DIP2C: variants seen among roughly 807,000 people sequenced by gnomAD.
DIP2C encodes DIP2 acetate--CoA ligase C (putative).
DIP2C carries 33 observed loss-of-function variants against 192.4 expected under a neutral mutation model. That is an observed-to-expected ratio of 0.17 (90% confidence interval 0.13 to 0.23). The LOEUF is 0.23. Among genes scored for constraint, DIP2C ranks in the 10% least tolerant of loss-of-function variants. The pLI is 1.00. For missense variants in DIP2C, 1,537 were observed against 2,110.1 expected (o/e 0.73, Z 5.32); for synonymous variants, 979 against 864.1 (o/e 1.13, Z -2.33).
intron 6 of DIP2C, among the ~76,000 whole-genome samples, chr10:417,508 G>T (rs1199492383): frequency 6.6e-6 from 1 of 152,182 alleles, no homozygotes; most frequent in Non-Finnish European, 1.5e-5. Context: ...TGGCAATCAG[G>T]GCGATTTCAA....
rs1205523566 is a variant in DIP2C, at chr10:363,749, G to C, written c.2478-438C>G. Among the ~76,000 whole-genome samples, 5 of 152,180 alleles carry C rather than the reference G, an allele frequency of 3.3e-5. No individual in the cohort carries two copies. The highest frequency in any genetic ancestry group is 7.3e-5 in the Non-Finnish European group (5 of 68,038). ...TAAGTGTATGTGCCTTATACTGTCA[G>C]CACAGCACAGTCACCTCCAGTAAAA... On this transcript the variant is annotated intron_variant, in intron 20 of 36. Transcript: ENST00000280886. The surrounding 1 kb of genome is among the most constrained non-coding windows in gnomAD (Gnocchi z 5.4).
At chr10:476,102 G>A (rs1325122435) in intron 2 of DIP2C, among the ~76,000 whole-genome samples, 1 of 152,220 alleles carries the variant, frequency 6.6e-6, no homozygotes, top group Non-Finnish European at 1.5e-5. Flanking sequence ...GGCGTGGTCA[G>A]GGGAGAGAGG....
intron 1 of DIP2C, among the ~76,000 whole-genome samples, chr10:494,066 C>G (rs1160139424): frequency 6.6e-6 from 1 of 152,206 alleles, no homozygotes; most frequent in Non-Finnish European, 1.5e-5. Context: ...CGCTGGACCA[C>G]CCCGAGGTGA....
At chr10:658,327 C>T (rs113515156) in intron 1 of DIP2C, among the ~76,000 whole-genome samples, 26 of 151,132 alleles carry the variant, frequency 1.7e-4, no homozygotes, top group Admixed American at 6.6e-5. Flanking sequence ...GATGCTGGAC[C>T]TGACACTGGA....
intron 1 of DIP2C, among the ~76,000 whole-genome samples, chr10:572,699 AG>A (rs1849900651): frequency 6.6e-6 from 1 of 152,206 alleles, no homozygotes. Flanking sequence ...GACAAAAAAA[AG>A]TTTTTTAAAA....
rs1965808783 is a variant in DIP2C, at chr10:417,804, ACCTGTTCCTGTCAGGGCGCGGACAGGCC to A, written c.739+1233_739+1260del. Among the ~76,000 whole-genome samples the A allele has an allele frequency of 3.8e-5, 3 of 78,310 alleles. 1 individual carries two copies. Among genetic ancestry groups the A allele is most frequent in the African/African-American group, 2.2e-4 (3 of 13,950 alleles). The allele number at this position is 78,310 out of a possible 152,430, so 51.4% of individuals were successfully genotyped here. ...AGGGCTCGGATAGGCCTCCCTGTCC[ACCTGTTCCTGTCAGGGCGCGGACAGGCC>A]TCCCTGTCCACCTGCACCTGTCAGA... On this transcript the variant is annotated intron_variant, in intron 6 of 36. Coordinates refer to ENST00000280886, the MANE Select transcript of DIP2C (RefSeq NM_014974.3).
At chr10:541,807 T>C (rs1848006134) in intron 1 of DIP2C, among the ~76,000 whole-genome samples, 1 of 151,956 alleles carries the variant, frequency 6.6e-6, no homozygotes, top group Non-Finnish European at 1.5e-5. Flanking sequence ...CTGTCTCTCC[T>C]AGACCCCACA....
chr10:393,835 A>AAAAAAAC (rs1554841552), intron 10 of DIP2C, among the ~76,000 whole-genome samples: 8 of 150,288 alleles, frequency 5.3e-5, no homozygotes, highest in African/African-American at 1.7e-4. Flanking sequence ...GGAAAAAAAA[A>AAAAAAAC]AAAAACAACC....
intron 17 of DIP2C, chr10:370,143 A>C: frequency 2.8e-6 from 2 of 711,116 alleles, no homozygotes; most frequent in Non-Finnish European, 3.5e-6. Flanking sequence ...GCCCAATTTT[A>C]TAAGAATCTA....
At chr10:559,674 A>G (rs1718185098) in intron 1 of DIP2C, among the ~76,000 whole-genome samples, 1 of 152,152 alleles carries the variant, frequency 6.6e-6, no homozygotes, top group Admixed American at 6.5e-5. Flanking sequence ...AGGAGTACAG[A>G]CCAGCTACCC....
chr10:563,441 G>C (rs1849315695), intron 1 of DIP2C, among the ~76,000 whole-genome samples: 1 of 152,224 alleles, frequency 6.6e-6, no homozygotes, highest in Non-Finnish European at 1.5e-5. Flanking sequence ...TAGGTGAAAT[G>C]AGTCTTCATG....
chr10:525,209 T>G (rs1846979959), intron 1 of DIP2C, among the ~76,000 whole-genome samples: 1 of 152,264 alleles, frequency 6.6e-6, no homozygotes, highest in Admixed American at 6.5e-5. Context: ...ACATTTTCAT[T>G]TTATAATTTC....
intron 6 of DIP2C, among the ~76,000 whole-genome samples, chr10:416,309 C>CA (rs1477875994): frequency 7.6e-4 from 115 of 151,830 alleles, no homozygotes; most frequent in African/African-American, 2.4e-3. Flanking sequence ...CTCCAGAGAC[C>CA]ACCAGCATTC....
chr10:575,307 G>C (rs1850082946), intron 1 of DIP2C, among the ~76,000 whole-genome samples: 1 of 152,202 alleles, frequency 6.6e-6, no homozygotes, highest in African/African-American at 2.4e-5. Flanking sequence ...TTTATAAAAA[G>C]TAAAATTCTC....
intron 1 of DIP2C, among the ~76,000 whole-genome samples, chr10:570,225 G>A (rs1382529290): frequency 1.3e-5 from 2 of 152,150 alleles, no homozygotes; most frequent in Non-Finnish European, 2.9e-5. Flanking sequence ...AGGAAGGGAA[G>A]GAAGACACTA....
intron 3 of DIP2C, among the ~76,000 whole-genome samples, chr10:462,237 C>T: frequency 6.6e-6 from 1 of 152,010 alleles, no homozygotes; most frequent in East Asian, 1.9e-4. Context: ...TCAATGAATC[C>T]AGGAGCTGGT....
intron 1 of DIP2C, among the ~76,000 whole-genome samples, chr10:671,883 C>A (rs567204085): frequency 6.5e-5 from 8 of 122,944 alleles, no homozygotes; most frequent in African/African-American, 2.3e-4. Flanking sequence ...AGGAAACAGG[C>A]CATAGACACA....
chr10:607,893 C>T (rs943329584), intron 1 of DIP2C, among the ~76,000 whole-genome samples: 1 of 151,990 alleles, frequency 6.6e-6, no homozygotes, highest in Non-Finnish European at 1.5e-5. Context: ...GTGTCATTCG[C>T]TAAGACGTAC....
In DIP2C at chr10:283,234, C is replaced by T. The variant is rs753512753; in HGVS notation, c.4294+38G>A. 3 of 1,497,120 alleles carry T rather than the reference C, an allele frequency of 2.0e-6. No individual in the cohort carries two copies. In the Admixed American group the frequency reaches 6.4e-5, roughly 32 times the overall value. The allele number at this position is 1,497,120 out of a possible 1,614,324, so 92.7% of individuals were successfully genotyped here. On this transcript the variant is annotated intron_variant, in intron 35 of 36. Transcript: ENST00000280886. ...ATCTACAGGAGCCTAACCTCTCTGC[C>T]CATCTGTTGGGGGGGGGCCGCCAGC...
Sources: allele counts gnomAD v4.1 joint callset (sites outside exome capture counted in the v4.1 genomes callset), GRCh38; gene constraint gnomAD v4.1.1; non-coding constraint Gnocchi (gnomAD v3.1); transcripts MANE v1.5; gene names NCBI Gene and HGNC (gene_info 2026-07-23, HGNC 2026-07-21).